MXRA7: variants seen among roughly 807,000 people sequenced by gnomAD.
MXRA7 encodes matrix remodeling associated 7.
A neutral mutation model predicts 17.4 loss-of-function variants in MXRA7; 18 were observed. That is an observed-to-expected ratio of 1.03 (90% CI 0.71 to 1.53). MXRA7 has a LOEUF of 1.53. Among genes scored for constraint, MXRA7 ranks in the 40% most tolerant of loss-of-function variants. The pLI, the probability that MXRA7 is intolerant of heterozygous loss-of-function variation, is 0.00. For missense variants in MXRA7, 141 were observed against 209.3 expected, an observed-to-expected ratio of 0.67 and a Z score of 2.01; for synonymous variants, 70 against 101.7, an observed-to-expected ratio of 0.69 and a Z score of 1.87.
chr17:76,685,650 C>T (rs1246546322), intron 2 of MXRA7, among the ~76,000 whole-genome samples: 3 of 152,348 alleles, frequency 2.0e-5, no homozygotes, highest in Admixed American at 6.5e-5. Flanking sequence ...GGATTTGCTG[C>T]AGCAGGTTTG....
At chr17:76,687,451 C>T (rs2076412106) in intron 2 of MXRA7, among the ~76,000 whole-genome samples, 1 of 152,260 alleles carries the variant, frequency 6.6e-6, no homozygotes, top group Admixed American at 6.5e-5. Flanking sequence ...CTAATCCTCC[C>T]TGTGCTTGCC....
At chr17:76,674,329 C>T (rs575214376) in exon 4 of MXRA7, 6 of 152,296 alleles carry the variant, frequency 3.9e-5, no homozygotes, top group Admixed American at 1.3e-4. Flanking sequence ...AGATTTGGTT[C>T]ATTCACTGAA....
At chr17:76,691,911 G>C (rs185064016) in intron 1 of MXRA7, among the ~76,000 whole-genome samples, 1 of 152,148 alleles carries the variant, frequency 6.6e-6, no homozygotes, top group Admixed American at 6.5e-5. Flanking sequence ...CCTGCCTTAC[G>C]GAGCTCGTGG....
chr17:76,685,003 G>T, intron 3 of MXRA7, 69 bp downstream of exon 3: 1 of 1,318,934 alleles, frequency 7.6e-7, no homozygotes. Flanking sequence ...GCAGGAACAT[G>T]AAGGGCTCAG....
intron 3 of MXRA7, chr17:76,683,735 C>T (rs775801738): frequency 2.2e-5 from 16 of 727,942 alleles, no homozygotes; most frequent in Non-Finnish European, 3.2e-5. Context: ...ATGTATTAAT[C>T]GGTTATGAAG....
At chr17:76,685,528 A>G (rs2076382122) in intron 2 of MXRA7, among the ~76,000 whole-genome samples, 1 of 151,874 alleles carries the variant, frequency 6.6e-6, no homozygotes, top group Admixed American at 6.6e-5. Context: ...TGGGACACAC[A>G]CCACGCCTGC....
chr17:76,706,416 A>ACAGAGGCCCACG (rs1567991107), intron 1 of MXRA7, among the ~76,000 whole-genome samples: 6 of 113,772 alleles, frequency 5.3e-5, no homozygotes, highest in East Asian at 3.3e-4. Context: ...AGAGGCCCAC[A>ACAGAGGCCCACG]CTGCCATCAC....
intron 1 of MXRA7, chr17:76,709,632 C>G (rs1256953531): frequency 1.3e-5 from 2 of 153,204 alleles, no homozygotes; most frequent in African/African-American, 4.8e-5. Context: ...TGACAATGCG[C>G]ATCCCGGCTC....
chr17:76,695,569 G>T (rs975810415), intron 1 of MXRA7, among the ~76,000 whole-genome samples: 5 of 152,144 alleles, frequency 3.3e-5, no homozygotes, highest in African/African-American at 1.2e-4. Context: ...CACGGTGGGG[G>T]CCTGGAGGAA....
downstream of MXRA7, among the ~76,000 whole-genome samples, chr17:76,678,083 G>A (rs1157850413): frequency 6.6e-6 from 1 of 152,204 alleles, no homozygotes; most frequent in Non-Finnish European, 1.5e-5. Context: ...GTAGTGCTAT[G>A]AAGAAGTAGG....
At chr17:76,697,415 A>T (rs1265887170) in intron 1 of MXRA7, among the ~76,000 whole-genome samples, 1 of 152,224 alleles carries the variant, frequency 6.6e-6, no homozygotes, top group African/African-American at 2.4e-5. Flanking sequence ...GTGTTTTGTT[A>T]TAGCAGCCCT....
rs539538813 is a variant in MXRA7 at position 76,706,289 on chromosome 17, C to T, written c.342+4316G>A. On this transcript the variant is annotated intron_variant, in intron 1 of 3. Coordinates refer to ENST00000449428, the MANE Select transcript of MXRA7 (RefSeq NM_198530.4). ...CCCACGCTGCCGTCACAGAGGCCCA[C>T]GCTGCCGTCACAGAGGCCCACGCTG... Among the ~76,000 whole-genome samples, 10 of 119,602 alleles carry T rather than the reference C, an allele frequency of 8.4e-5. No individual in the cohort carries two copies. The East Asian group carries it at 2.4e-3, about 29-fold the overall frequency. The allele number at this position is 119,602 out of a possible 152,430, so 78.5% of individuals were successfully genotyped here.
intron 1 of MXRA7, chr17:76,690,062 G>A (rs1476777132): frequency 1.3e-5 from 2 of 150,706 alleles, no homozygotes; most frequent in Non-Finnish European, 3.0e-5. Flanking sequence ...GACATGAAAA[G>A]TACATCAAGA....
intron 1 of MXRA7, among the ~76,000 whole-genome samples, chr17:76,702,248 T>C (rs2076599073): frequency 1.3e-5 from 2 of 152,256 alleles, no homozygotes; most frequent in African/African-American, 4.8e-5. Context: ...AATTCACATC[T>C]GTAATCACAC....
intron 1 of MXRA7, among the ~76,000 whole-genome samples, chr17:76,692,398 C>T (rs1164908237): frequency 6.6e-6 from 1 of 151,970 alleles, no homozygotes; most frequent in Non-Finnish European, 1.5e-5. Context: ...GGACTATGGG[C>T]ATGTGCCACC....
chr17:76,675,908 ACT>A (rs958364547), downstream of MXRA7: 3 of 31,064 alleles, frequency 9.7e-5, no homozygotes, highest in African/African-American at 1.8e-4. Flanking sequence ...CCACTGCTCC[ACT>A]TTTTTTTTAA....
chr17:76,678,588 GC>G (rs2076259765), downstream of MXRA7, among the ~76,000 whole-genome samples: 1 of 152,138 alleles, frequency 6.6e-6, no homozygotes. Flanking sequence ...TGCAGTTCCT[GC>G]CCCCCACACA....
intron 1 of MXRA7, among the ~76,000 whole-genome samples, chr17:76,696,035 C>T (rs1416616556): frequency 6.6e-6 from 1 of 151,946 alleles, no homozygotes; most frequent in African/African-American, 2.4e-5. Flanking sequence ...GCGGAGGTTG[C>T]AGTAAGCCGA....
intron 1 of MXRA7, among the ~76,000 whole-genome samples, chr17:76,698,714 T>TG (rs1452558658): frequency 0.044 from 103 of 2,346 alleles, no homozygotes; most frequent in African/African-American, 0.063. Flanking sequence ...TCCTTTCTGT[T>TG]TTTTTTTTTT....
Sources: allele counts gnomAD v4.1 joint callset (sites outside exome capture counted in the v4.1 genomes callset), GRCh38; gene constraint gnomAD v4.1.1; transcripts MANE v1.5; gene names NCBI Gene and HGNC (gene_info 2026-07-23, HGNC 2026-07-21).